Variants in NIPAL1 observed in about 807,000 individuals in gnomAD.
NIPAL1 encodes magnesium transporter NIPA3.
NIPAL1 carries 35 observed loss-of-function variants against 37.7 expected under a neutral mutation model. The ratio of observed to expected loss-of-function variants is 0.93; its 90% CI spans 0.71 to 1.23. The LOEUF (loss-of-function observed/expected upper bound fraction) is 1.23, where lower values mean the gene tolerates loss of function less well. Among genes scored for constraint, NIPAL1 ranks in the 50% most tolerant of loss-of-function variants. The probability of loss-of-function intolerance (pLI) is 0.00; values close to 1 mark genes in which losing one functional copy is unlikely to be tolerated. For missense variants in NIPAL1, 412 were observed against 473.9 expected, an observed-to-expected ratio of 0.87 and a Z score of 1.21; for synonymous variants, 162 against 183.0, an observed-to-expected ratio of 0.89 and a Z score of 0.93.
At position 48,030,301 on chromosome 4, in the gene NIPAL1, T is replaced by G; in HGVS notation, c.370+125T>G. The G allele has an allele frequency of 4.9e-6, 3 of 611,564 alleles. No individual in the cohort carries two copies. In the South Asian group the frequency reaches 5.5e-5, roughly 11 times the overall value. 37.9% of individuals were successfully genotyped at this position (611,564 alleles called of 1,614,324 possible). On this transcript the variant is annotated intron_variant, in intron 3 of 5. Transcript: ENST00000295461. ...AAGGATGGAATTTAAGTCTAAACAT[T>G]TTTGTGTTAGTCAATATATTGTCCT...
rs1716019358 is a variant in NIPAL1 at position 48,039,064 on chromosome 4, T to G, written c.*2892T>G. 6.6e-6 allele frequency: 1 copy of G among 152,128 alleles called. No homozygotes were observed. The highest frequency in any genetic ancestry group is 1.5e-5 in the Non-Finnish European group (1 of 68,008). 9.4% of individuals were successfully genotyped at this position (152,128 alleles called of 1,614,324 possible). Reference sequence around the variant, plus strand: ...TGCAAATCTAACACTAAAAAATTTTTGACTGGGTGCAGTGGCTCACACCTG... The same window carrying G: ...TGCAAATCTAACACTAAAAAATTTTGGACTGGGTGCAGTGGCTCACACCTG... On this transcript the variant is annotated 3_prime_UTR_variant, in exon 6 of 6. Coordinates refer to ENST00000295461, the MANE Select transcript of NIPAL1 (RefSeq NM_207330.3).
At chr4:48,017,478 C>T (rs1715453981) in intron 1 of NIPAL1, among the ~76,000 whole-genome samples, 1 of 64,588 alleles carries the variant, frequency 1.5e-5, no homozygotes, top group African/African-American at 4.0e-5. Context: ...CTGTCTGACT[C>T]GCTGTGCAGT....
chr4:48,036,100 AC>A lies in NIPAL1; in HGVS notation c.1162del (p.Leu388Ter), dbSNP rs766638971. ...ATGTCAATGAAAACAATTATGTTTT[AC>A]TAGAGAACTTGGAGTGTTCAGCCCC... The part of the protein sequence containing the change: ...LNVNENNYVL[L>X]ENLECSAPGY... On this transcript the variant is annotated frameshift_variant, in exon 6 of 6. Transcript: ENST00000295461. LOFTEE classifies it high-confidence loss of function. The A allele has an allele frequency of 1.9e-6, 3 of 1,610,090 alleles. No individual in the cohort carries two copies. The highest frequency in any genetic ancestry group is 2.5e-6 in the Non-Finnish European group (3 of 1,178,490).
At position 48,025,207 on chromosome 4, in the gene NIPAL1, A is replaced by G. The variant is rs368569103; in HGVS notation, c.186A>G (p.Val62=). 6.2e-7 allele frequency: 1 copy of G among 1,614,108 alleles called. No homozygotes were observed. The highest frequency in any genetic ancestry group is 8.5e-7 in the Non-Finnish European group (1 of 1,180,036). Residue 62 remains valine (V), a synonymous_variant, in exon 2 of 6, where the codon GTA becomes GTG. Transcript: ENST00000295461. Reference sequence around the variant, plus strand: ...ACAACTTGAGCATTTCAGCAAATGTAGAAAACAAATACAGTCTTTATGTGG... The same window carrying G: ...ACAACTTGAGCATTTCAGCAAATGTGGAAAACAAATACAGTCTTTATGTGG... ...SINNLSISAN[V]ENKYSLYVGL... is the part of the protein sequence containing the mutation.
chr4:48,035,536 G>C (rs1262145953), intron 5 of NIPAL1, 26 bp from the exon 6 acceptor site: 1 of 1,584,532 alleles, frequency 6.3e-7, no homozygotes, highest in African/African-American at 1.4e-5. Flanking sequence ...ATTTTCTAAA[G>C]TCAAATTCTT....
intron 4 of NIPAL1, 30 bp downstream of exon 4, chr4:48,033,113 G>A (rs750420725): frequency 5.0e-6 from 7 of 1,398,432 alleles, no homozygotes; most frequent in Non-Finnish European, 7.1e-6. Context: ...CTTGGCTTCT[G>A]TAGGTATTTT....
rs150181018 is a variant in NIPAL1, at chr4:48,025,193, A to G, written c.172A>G (p.Ile58Val). Residue 58 changes from isoleucine (I) to valine (V), a missense_variant, in exon 2 of 6, where the codon ATT (isoleucine) becomes GTT (valine). Transcript: ENST00000295461. ...GAATTACAGCATAAACAACTTGAGC[A>G]TTTCAGCAAATGTAGAAAACAAATA... ...DLNYSINNLS[I>V]SANVENKYSL... 3.1e-6 allele frequency: 5 copies of G among 1,614,130 alleles called. No homozygotes were observed. In the African/African-American group the frequency reaches 4.0e-5, roughly 13 times the overall value.
rs1715857645 is a variant in NIPAL1, at chr4:48,033,100, G to A, written c.461+17G>A. On this transcript the variant is annotated intron_variant, in intron 4 of 5. Coordinates refer to ENST00000295461, the MANE Select transcript of NIPAL1 (RefSeq NM_207330.3). ...TCTCATAAGGTATGTGAGCAACAGG[G>A]AACTTGGCTTCTGTAGGTATTTTAA... 2 of 1,522,322 alleles carry A rather than the reference G, an allele frequency of 1.3e-6. No homozygotes were observed. The highest frequency in any genetic ancestry group is 2.3e-5 in the South Asian group (2 of 87,752). 94.3% of individuals were successfully genotyped at this position (1,522,322 alleles called of 1,614,324 possible).
intron 1 of NIPAL1, among the ~76,000 whole-genome samples, chr4:48,017,376 G>T (rs553443121): frequency 1.8e-4 from 28 of 152,098 alleles, no homozygotes; most frequent in Non-Finnish European, 2.2e-4. Flanking sequence ...GAGGTTGGGC[G>T]CCCGGGGCCG....
At position 48,038,329 on chromosome 4, in the gene NIPAL1, A is replaced by G. The variant is rs2109375236; in HGVS notation, c.*2157A>G. On this transcript the variant is annotated 3_prime_UTR_variant, in exon 6 of 6. Coordinates refer to ENST00000295461, the MANE Select transcript of NIPAL1 (RefSeq NM_207330.3). ...CACTTTACTTGTATATCAGATATAT[A>G]AGCTATGAACACAAGTTTGTAGTAA... is the stretch of plus-strand genomic sequence containing the variant. 6.6e-6 allele frequency: 1 copy of G among 152,320 alleles called. No homozygotes were observed. Among genetic ancestry groups the G allele is most frequent in the Admixed American group, 6.5e-5 (1 of 15,300 alleles). 9.4% of individuals were successfully genotyped at this position (152,320 alleles called of 1,614,324 possible). A position where few individuals can be genotyped will look rare whatever the true frequency, so the allele number is the denominator to read the frequency against.
Position 48,035,767 on chromosome 4 carries a change from C to G in NIPAL1, c.828C>G (p.Val276=), listed in dbSNP as rs1028044692. The change falls in exon 6 of 6, where the codon GTC becomes GTG. Residue 276 remains valine (V), a synonymous_variant. Coordinates refer to ENST00000295461, the MANE Select transcript of NIPAL1 (RefSeq NM_207330.3). The stretch of plus-strand genomic sequence containing the variant: ...AGCCAGTTTACAAACATCCGCTGGT[C>G]TTTGTTTTGCTGGCTGTACTTGTGC... ...EWKPVYKHPL[V]FVLLAVLVLS... is the part of the protein sequence containing the mutation. 1 of 1,614,162 alleles carries G rather than the reference C, an allele frequency of 6.2e-7. No individual in the cohort carries two copies. The highest frequency in any genetic ancestry group is 1.3e-5 in the African/African-American group (1 of 75,060).
At chr4:48,017,899 T>C (rs1377535328) in intron 1 of NIPAL1, among the ~76,000 whole-genome samples, 1 of 151,856 alleles carries the variant, frequency 6.6e-6, no homozygotes, top group Non-Finnish European at 1.5e-5. Flanking sequence ...CATATACACC[T>C]TTGCAAAGGT....
Position 48,036,332 on chromosome 4 carries a change from T to A in NIPAL1, c.*160T>A. 1.6e-6 allele frequency: 1 copy of A among 613,582 alleles called. No homozygotes were observed. The highest frequency in any genetic ancestry group is 2.7e-6 in the Non-Finnish European group (1 of 364,110). 38.0% of individuals were successfully genotyped at this position (613,582 alleles called of 1,614,324 possible). A position where few individuals can be genotyped will look rare whatever the true frequency, so the allele number is the denominator to read the frequency against. ...AATGCCATTTTTTTGGCCATTGAAT[T>A]TGAAAATCAAATTGATTATCCTCCA... is the stretch of plus-strand genomic sequence containing the variant. On this transcript the variant is annotated 3_prime_UTR_variant, in exon 6 of 6. Transcript: ENST00000295461.
intron 1 of NIPAL1, among the ~76,000 whole-genome samples, chr4:48,019,404 G>T (rs114380620): frequency 3.9e-5 from 6 of 152,188 alleles, no homozygotes; most frequent in African/African-American, 1.4e-4. Flanking sequence ...TATGTATGAA[G>T]GTTGTTATAA....
intron 1 of NIPAL1, among the ~76,000 whole-genome samples, chr4:48,018,819 A>G (rs1715510416): frequency 6.6e-6 from 1 of 152,178 alleles, no homozygotes; most frequent in African/African-American, 2.4e-5. Flanking sequence ...TGCAAGAAAC[A>G]AAGTAATTTA....
At chr4:48,035,345 C>T (rs1443509558) in intron 5 of NIPAL1, among the ~76,000 whole-genome samples, 2 of 152,180 alleles carry the variant, frequency 1.3e-5, no homozygotes, top group African/African-American at 2.4e-5. Flanking sequence ...TGATAATATT[C>T]GCCCTAGCTC....
chr4:48,025,083 TG>T lies in NIPAL1; in HGVS notation c.64del (p.Val22SerfsTer28), dbSNP rs766472103. 9 of 1,613,858 alleles carry T rather than the reference TG, an allele frequency of 5.6e-6. No homozygotes were observed. Among genetic ancestry groups the T allele is most frequent in the Non-Finnish European group, 6.8e-6 (8 of 1,179,808 alleles). On this transcript the variant is annotated frameshift_variant, in exon 2 of 6. Coordinates refer to ENST00000295461, the MANE Select transcript of NIPAL1 (RefSeq NM_207330.3). LOFTEE classifies it high-confidence loss of function. Reference sequence around the variant, plus strand: ...TTTTTTCCAGGATATGTGCTGTCTCTGGTCTGTCCAAACTCCTCCCAGGCTT... The same window carrying T: ...TTTTTTCCAGGATATGTGCTGTCTCTGTCTGTCCAAACTCCTCCCAGGCTT... ...EPCREGYVLS[L>X]VCPNSSQAWC...
intron 1 of NIPAL1, among the ~76,000 whole-genome samples, chr4:48,019,699 C>T (rs1296373591): frequency 6.6e-6 from 1 of 152,120 alleles, no homozygotes; most frequent in Non-Finnish European, 1.5e-5. Flanking sequence ...TTCCACAGGG[C>T]CTTATAGGCT....
chr4:48,020,258 TCAAAGTTA>T (rs1715543523), intron 1 of NIPAL1, among the ~76,000 whole-genome samples: 1 of 152,248 alleles, frequency 6.6e-6, no homozygotes, highest in South Asian at 2.1e-4. Flanking sequence ...GCTTTAAAGT[TCAAAGTTA>T]GTGAGGAGTT....
Sources: allele counts gnomAD v4.1 joint callset (sites outside exome capture counted in the v4.1 genomes callset), GRCh38; gene constraint gnomAD v4.1.1; transcripts MANE v1.5; gene names NCBI Gene and HGNC (gene_info 2026-07-23, HGNC 2026-07-21).